ARID2: variants seen among roughly 807,000 people sequenced by gnomAD.
ARID2 encodes AT-rich interaction domain 2.
Under a neutral mutation model 184.6 loss-of-function variants are expected in ARID2, and 32 were observed. The observed-to-expected ratio is 0.17, with a 90% CI of 0.13 to 0.23. The LOEUF is 0.23. Ranked by LOEUF, ARID2 falls within the 10% of genes least tolerant of loss-of-function variation. The pLI is 1.00. For missense variants in ARID2, 1,696 were observed against 2,197.6 expected, an observed-to-expected ratio of 0.77 and a Z score of 4.56; for synonymous variants, 836 against 772.6, an observed-to-expected ratio of 1.08 and a Z score of -1.36.
chr12:45,834,771 T>G (rs1943185766), intron 6 of ARID2, among the ~76,000 whole-genome samples: 1 of 152,218 alleles, frequency 6.6e-6, no homozygotes. Flanking sequence ...AGATATTTTC[T>G]TCCATCATTT....
intron 6 of ARID2, among the ~76,000 whole-genome samples, chr12:45,833,821 G>A (rs866732078): frequency 6.6e-6 from 1 of 152,078 alleles, no homozygotes; most frequent in Non-Finnish European, 1.5e-5. Flanking sequence ...TTTTTGACTA[G>A]CATTGTGGAG....
intron 11 of ARID2, 158 bp downstream of exon 11, chr12:45,839,654 C>A: frequency 1.3e-6 from 1 of 747,146 alleles, no homozygotes; most frequent in Non-Finnish European, 2.0e-6. Flanking sequence ...AGATATTATA[C>A]ATTCCAGGAG....
intron 3 of ARID2, among the ~76,000 whole-genome samples, chr12:45,809,172 A>C (rs947322859): frequency 1.3e-5 from 2 of 152,210 alleles, no homozygotes; most frequent in Non-Finnish European, 2.9e-5. Flanking sequence ...ATTAGATAAC[A>C]ATTATTTTAT....
intron 16 of ARID2, among the ~76,000 whole-genome samples, chr12:45,872,421 A>C (rs758890122): frequency 6.6e-5 from 10 of 152,170 alleles, no homozygotes; most frequent in Admixed American, 2.0e-4. Context: ...TTTCTCTATT[A>C]ATCTGTTCTC....
At chr12:45,812,831 G>T (rs562535231) in intron 4 of ARID2, among the ~76,000 whole-genome samples, 2 of 152,284 alleles carry the variant, frequency 1.3e-5, no homozygotes, top group East Asian at 3.9e-4. Context: ...TGTGATCCCT[G>T]TATTACAATA....
chr12:45,859,906 G>A (rs978331060), intron 15 of ARID2, among the ~76,000 whole-genome samples: 21 of 152,160 alleles, frequency 1.4e-4, no homozygotes, highest in African/African-American at 4.8e-4. Flanking sequence ...GCTAATTTTT[G>A]TTTTTAGCAG....
intron 20 of ARID2, among the ~76,000 whole-genome samples, chr12:45,902,368 A>G (rs1944470703): frequency 6.6e-6 from 1 of 152,182 alleles, no homozygotes; most frequent in East Asian, 1.9e-4. Context: ...AGTTTTATCC[A>G]TGCAATATTC....
chr12:45,884,968 C>T (rs1202950102), intron 16 of ARID2, among the ~76,000 whole-genome samples: 2 of 151,978 alleles, frequency 1.3e-5, no homozygotes. Flanking sequence ...ATTTTGTTTC[C>T]AAGAATACCA....
At chr12:45,877,630 C>T (rs558265138) in intron 16 of ARID2, among the ~76,000 whole-genome samples, 1 of 152,232 alleles carries the variant, frequency 6.6e-6, no homozygotes, top group South Asian at 2.1e-4. Flanking sequence ...AATTGTCTTC[C>T]ATGAAAGTGG....
At chr12:45,782,611 G>A (rs1272932509) in intron 3 of ARID2, among the ~76,000 whole-genome samples, 2 of 151,910 alleles carry the variant, frequency 1.3e-5, no homozygotes, top group Admixed American at 6.6e-5. Flanking sequence ...CAGCCTGGGC[G>A]ACAGAGCGAG....
In ARID2 at chr12:45,851,513, C is replaced by T; in HGVS notation, c.3390C>T (p.Val1130=). The change falls in exon 15 of 21, where the codon GTC becomes GTT. Residue 1130 remains valine (V), a synonymous_variant. Coordinates refer to ENST00000334344, the MANE Select transcript of ARID2 (RefSeq NM_152641.4). ...LLVGQQNVQL[V]PSAMPPSGGV... is the part of the protein sequence containing the mutation. The stretch of plus-strand genomic sequence containing the variant: ...TTGGGCAGCAAAATGTTCAGTTGGT[C>T]CCAAGTGCAATGCCACCCTCAGGGG... The T allele has an allele frequency of 6.2e-7, 1 of 1,614,120 alleles. No homozygotes were observed. Among genetic ancestry groups the T allele is most frequent in the South Asian group, 1.1e-5 (1 of 91,084 alleles).
chr12:45,785,222 A>C (rs1190872714), intron 3 of ARID2, among the ~76,000 whole-genome samples: 1 of 152,210 alleles, frequency 6.6e-6, no homozygotes, highest in Non-Finnish European at 1.5e-5. Flanking sequence ...ACAAGTTTGA[A>C]TTCTGATTCT....
intron 3 of ARID2, among the ~76,000 whole-genome samples, chr12:45,738,908 C>G (rs1941186382): frequency 6.7e-6 from 1 of 150,018 alleles, no homozygotes; most frequent in Admixed American, 6.7e-5. Flanking sequence ...CCCTACTTTC[C>G]CTGCTTCACC....
intron 16 of ARID2, among the ~76,000 whole-genome samples, chr12:45,869,295 G>A (rs570912491): frequency 4.6e-5 from 7 of 152,182 alleles, no homozygotes; most frequent in Middle Eastern, 3.4e-3. Flanking sequence ...GATTACAGGC[G>A]TGCGCCACCG....
chr12:45,775,663 A>G (rs1941961785), intron 3 of ARID2, among the ~76,000 whole-genome samples: 1 of 152,218 alleles, frequency 6.6e-6, no homozygotes, highest in African/African-American at 2.4e-5. Flanking sequence ...AGCCAATGTC[A>G]TATGAGCTAA....
intron 3 of ARID2, among the ~76,000 whole-genome samples, chr12:45,761,584 G>C (rs557535464): frequency 2.6e-5 from 4 of 152,012 alleles, no homozygotes; most frequent in Non-Finnish European, 5.9e-5. Context: ...CTGAAATCTG[G>C]TATCAGTTTG....
chr12:45,783,322 G>A (rs1170934101), intron 3 of ARID2, among the ~76,000 whole-genome samples: 2 of 152,174 alleles, frequency 1.3e-5, no homozygotes, highest in African/African-American at 2.4e-5. Flanking sequence ...CAGCACTACA[G>A]TGAAAAATAT....
At chr12:45,818,074 T>C (rs192892758) in intron 5 of ARID2, among the ~76,000 whole-genome samples, 186 bp downstream of exon 5, 2 of 152,254 alleles carry the variant, frequency 1.3e-5, no homozygotes, top group African/African-American at 4.8e-5. Context: ...AATAGTAATT[T>C]TGTCTCAGTG....
intron 3 of ARID2, among the ~76,000 whole-genome samples, chr12:45,775,347 G>A (rs1157683001): frequency 6.6e-6 from 1 of 152,172 alleles, no homozygotes; most frequent in Non-Finnish European, 1.5e-5. Context: ...CTATTTCTAT[G>A]TGCAATAGGG....
Sources: gnomAD v4.1 joint callset for allele counts (sites outside exome capture counted in the v4.1 genomes callset) on GRCh38, gnomAD v4.1.1 for gene constraint, MANE v1.5 for transcripts, NCBI Gene and HGNC (gene_info 2026-07-23, HGNC 2026-07-21) for gene names.